SRP9: variants seen among roughly 807,000 people sequenced by gnomAD.
The protein encoded by SRP9 is signal recognition particle 9 kDa protein.
Under a neutral mutation model 11.7 loss-of-function variants are expected in SRP9, and 2 were observed. The observed-to-expected ratio is 0.17, with a 90% confidence interval of 0.07 to 0.54. The LOEUF (loss-of-function observed/expected upper bound fraction) is 0.54. Among genes scored for constraint, SRP9 ranks in the 20% least tolerant of loss-of-function variants. SRP9 has a pLI of 0.94. For missense variants in SRP9, 54 were observed against 108.1 expected, an observed-to-expected ratio of 0.50 and a Z score of 2.22; for synonymous variants, 27 against 35.6, an observed-to-expected ratio of 0.76 and a Z score of 0.86.
At chr1:225,783,667 A>G (rs557563044) in intron 2 of SRP9, among the ~76,000 whole-genome samples, 1 of 152,348 alleles carries the variant, frequency 6.6e-6, no homozygotes. Context: ...TTTAAATGAC[A>G]GTGTTTGAAC....
In SRP9 at chr1:225,778,362, C is replaced by T. The variant is rs149745166; in HGVS notation, c.72+350C>T. The stretch of plus-strand genomic sequence containing the variant: ...TGTCCTTTGTCTTGGTTCACTTTTC[C>T]TGTACCGCCTAGGCGGTAAGGGTAC... On this transcript the variant is annotated intron_variant, in intron 1 of 2. Transcript: ENST00000304786. Among the ~76,000 whole-genome samples, 851 of 152,324 alleles carry T rather than the reference C, an allele frequency of 5.6e-3. 9 individuals carry two copies. The highest frequency in any genetic ancestry group is 0.019 in the African/African-American group (798 of 41,554).
intron 2 of SRP9, among the ~76,000 whole-genome samples, chr1:225,788,032 G>C (rs1263397188): frequency 1.3e-5 from 2 of 152,176 alleles, no homozygotes; most frequent in African/African-American, 4.8e-5. Context: ...AAGAAAAGTG[G>C]ATCTGTACTA....
intron 2 of SRP9, among the ~76,000 whole-genome samples, chr1:225,788,620 T>C (rs1246318643): frequency 6.6e-6 from 1 of 152,100 alleles, no homozygotes; most frequent in Non-Finnish European, 1.5e-5. Context: ...TTCACCATAT[T>C]GGCCAGGCTG....
In SRP9 at chr1:225,784,229, C is replaced by CTTTTTTTT. The variant is rs561503475; in HGVS notation, c.141+889_141+896dup. Among the ~76,000 whole-genome samples, 220 of 34,464 alleles carry CTTTTTTTT rather than the reference C, an allele frequency of 6.4e-3. 43 individuals are homozygous for CTTTTTTTT. The highest frequency in any genetic ancestry group is 7.8e-3 in the Non-Finnish European group (155 of 19,852). The allele number at this position is 34,464 out of a possible 152,430, so 22.6% of individuals were successfully genotyped here. ...TCTACAGTGGAGTTTATCACCTGTT[C>CTTTTTTTT]TTTTTTTTTTTTTTTTTTTTTTTTT... On this transcript the variant is annotated intron_variant, in intron 2 of 2. Transcript: ENST00000304786.
chr1:225,783,335 G>T lies in SRP9; in HGVS notation c.108G>T (p.Gly36=). ...TTCTCAAATATAGGCATTCTGATGG[G>T]AACTTGTGTGTTAAAGTAACAGATG... ...RVVLKYRHSD[G]NLCVKVTDDL... Residue 36 remains glycine, a synonymous_variant, in exon 2 of 3, where the codon GGG becomes GGT. Transcript: ENST00000304786. 1 of 1,612,646 alleles carries T rather than the reference G, an allele frequency of 6.2e-7. No individual in the cohort carries two copies. Among genetic ancestry groups the T allele is most frequent in the South Asian group, 1.1e-5 (1 of 90,936 alleles).
intron 1 of SRP9, among the ~76,000 whole-genome samples, chr1:225,780,312 G>T (rs565170278): frequency 6.6e-6 from 1 of 151,782 alleles, no homozygotes; most frequent in Non-Finnish European, 1.5e-5. Context: ...ACAAGCCATG[G>T]CGCCTGGCTT....
At chr1:225,780,630 C>T (rs1665776638) in intron 1 of SRP9, among the ~76,000 whole-genome samples, 1 of 152,164 alleles carries the variant, frequency 6.6e-6, no homozygotes, top group Non-Finnish European at 1.5e-5. Flanking sequence ...TACCTAGTTT[C>T]TTGAGAGATT....
chr1:225,787,881 G>T (rs1370667044), intron 2 of SRP9, among the ~76,000 whole-genome samples: 1 of 152,140 alleles, frequency 6.6e-6, no homozygotes, highest in African/African-American at 2.4e-5. Flanking sequence ...ATTTTTTTAA[G>T]TGAGTTGTTT....
chr1:225,782,901 A>G (rs1427847813), intron 1 of SRP9, among the ~76,000 whole-genome samples: 1 of 152,170 alleles, frequency 6.6e-6, no homozygotes, highest in Non-Finnish European at 1.5e-5. Context: ...GGACTTTTTA[A>G]CTAGCCATTT....
chr1:225,783,301 C>T lies in SRP9; in HGVS notation c.74C>T (p.Ala25Val). 6.2e-7 allele frequency: 1 copy of T among 1,610,592 alleles called. No individual in the cohort carries two copies. Among genetic ancestry groups the T allele is most frequent in the Non-Finnish European group, 8.5e-7 (1 of 1,177,652 alleles). Residue 25 changes from alanine to valine, a missense_variant and splice_region_variant, in exon 2 of 3, where the codon GCA (alanine) becomes GTA (valine). By Grantham distance (64) the Ala-to-Val change is moderately conservative. Transcript: ENST00000304786. ...TCTAAATATGTATTTTTGTTTCAGG[C>T]ACGTGTGGTTCTCAAATATAGGCAT... Reference protein sequence around the residue: ...EKLYLADPMKARVVLKYRHSD... With the variant: ...EKLYLADPMKVRVVLKYRHSD...
intron 2 of SRP9, among the ~76,000 whole-genome samples, chr1:225,786,651 C>T (rs1053475612): frequency 2.6e-5 from 4 of 152,110 alleles, no homozygotes; most frequent in Non-Finnish European, 4.4e-5. Flanking sequence ...GATGTGAATC[C>T]TAGCTTAGTC....
chr1:225,788,688 A>G lies in SRP9; in HGVS notation c.142-552A>G, dbSNP rs111255620. Among the ~76,000 whole-genome samples, 262 of 152,334 alleles carry G rather than the reference A, an allele frequency of 1.7e-3. 4 individuals are homozygous for G. Among genetic ancestry groups the G allele is most frequent in the African/African-American group, 5.9e-3 (247 of 41,584 alleles). ...CTCGGCCTCCCAGAGTGCTGGGATT[A>G]CAGGCGTAAGCCACCACGCCTGGCC... On this transcript the variant is annotated intron_variant, in intron 2 of 2. Transcript: ENST00000304786.
rs1021448798 is a variant in SRP9, at chr1:225,777,872, G to C, written c.-69G>C. 8 of 1,471,536 alleles carry C rather than the reference G, an allele frequency of 5.4e-6. No homozygotes were observed. The African/African-American group carries it at 9.8e-5, about 18-fold the overall frequency. The allele number at this position is 1,471,536 out of a possible 1,614,324, so 91.2% of individuals were successfully genotyped here. ...GGACTCGCGTCGGTTGGCGACTCCCGGACGTAGGTAGTTTGTTGGGCCGGG... is the reference window on the plus strand; with the variant it reads ...GGACTCGCGTCGGTTGGCGACTCCCCGACGTAGGTAGTTTGTTGGGCCGGG... On this transcript the variant is annotated 5_prime_UTR_variant, in exon 1 of 3. Transcript: ENST00000304786.
intron 2 of SRP9, among the ~76,000 whole-genome samples, chr1:225,787,528 G>A (rs977393404): frequency 2.0e-5 from 3 of 151,490 alleles, no homozygotes; most frequent in African/African-American, 7.3e-5. Context: ...AACTAGACTC[G>A]GTCTCAAAAA....
Position 225,789,853 on chromosome 1 carries a change from T to C in SRP9, c.*494T>C, listed in dbSNP as rs1373941933. The C allele has an allele frequency of 6.4e-6, 1 of 155,182 alleles. No homozygotes were observed. The highest frequency in any genetic ancestry group is 1.4e-5 in the Non-Finnish European group (1 of 69,876). 9.6% of individuals were successfully genotyped at this position (155,182 alleles called of 1,614,324 possible). ...ATAGTATGCATTGTTATACATACTG[T>C]GTACCTAATTATGTATAGCAGTGTA... On this transcript the variant is annotated 3_prime_UTR_variant, in exon 3 of 3. Transcript: ENST00000304786.
At chr1:225,789,168 C>T (rs1665975513) in intron 2 of SRP9, 72 bp from the exon 3 acceptor site, 4 of 1,559,682 alleles carry the variant, frequency 2.6e-6, no homozygotes, top group Non-Finnish European at 3.5e-6. Context: ...AAATTTTACC[C>T]AATTGTATGT....
intron 2 of SRP9, among the ~76,000 whole-genome samples, chr1:225,785,677 G>C (rs1313356610): frequency 1.6e-5 from 2 of 122,006 alleles, no homozygotes; most frequent in Admixed American, 1.6e-4. Context: ...ACTGTGCCTG[G>C]ACTTTTTTTT....
At chr1:225,779,529 C>T (rs547035383) in intron 1 of SRP9, among the ~76,000 whole-genome samples, 3 of 152,116 alleles carry the variant, frequency 2.0e-5, no homozygotes, top group Non-Finnish European at 4.4e-5. Context: ...GAGCTGGTAA[C>T]CTGTAACTCC....
intron 2 of SRP9, 102 bp from the exon 3 acceptor site, chr1:225,789,138 A>G (rs947925439): frequency 6.4e-7 from 1 of 1,551,560 alleles, no homozygotes; most frequent in African/African-American, 1.4e-5. Context: ...AGAGCAAAAC[A>G]GTGGTAGGAA....
Sources: gnomAD v4.1 joint callset for allele counts (sites outside exome capture counted in the v4.1 genomes callset) on GRCh38, gnomAD v4.1.1 for gene constraint, MANE v1.5 for transcripts, NCBI Gene and HGNC (gene_info 2026-07-23, HGNC 2026-07-21) for gene names.